The following LPP variants were observed in gnomAD, a reference collection of about 807,000 sequenced individuals.
LPP encodes the protein lipoma-preferred partner.
A neutral mutation model predicts 60.4 loss-of-function variants in LPP; 38 were observed. The ratio of observed to expected loss-of-function variants is 0.63; its 90% confidence interval spans 0.49 to 0.83. The LOEUF (loss-of-function observed/expected upper bound fraction) is 0.83. Ranked by LOEUF, LPP falls within the 40% of genes least tolerant of loss-of-function variation. The probability of loss-of-function intolerance (pLI) is 0.00; values close to 1 mark genes in which losing one functional copy is unlikely to be tolerated. For missense variants in LPP, 902 were observed against 783.6 expected, an observed-to-expected ratio of 1.15 and a Z score of -1.80; for synonymous variants, 328 against 290.8, an observed-to-expected ratio of 1.13 and a Z score of -1.30.
At position 188,599,790 on chromosome 3, in the gene LPP, G is replaced by GTGTGTGT. The variant is rs1553938528; in HGVS notation, c.430-9371_430-9370insTGTGTGT. On this transcript the variant is annotated intron_variant, in intron 6 of 11. Coordinates refer to ENST00000617246, the MANE Select transcript of LPP (RefSeq NM_001375462.1). ...TGTGTGTGTGTGTGTGTGTGTGTGT[G>GTGTGTGT]GTGTGTGCTTTATGTGTTCATTGAG... Among the ~76,000 whole-genome samples the GTGTGTGT allele has an allele frequency of 2.5e-4, 31 of 125,478 alleles. No homozygotes were observed. In the East Asian group the frequency reaches 4.7e-3, roughly 19 times the overall value. The allele number at this position is 125,478 out of a possible 152,430, so 82.3% of individuals were successfully genotyped here.
At chr3:188,239,614 C>T (rs951474810) in intron 2 of LPP, among the ~76,000 whole-genome samples, 1 of 152,106 alleles carries the variant, frequency 6.6e-6, no homozygotes, top group African/African-American at 2.4e-5. Flanking sequence ...GTGGTTTCTA[C>T]CTTTGACATT....
intron 2 of LPP, among the ~76,000 whole-genome samples, chr3:188,235,625 C>T (rs903085117): frequency 1.3e-5 from 2 of 151,998 alleles, no homozygotes; most frequent in East Asian, 1.9e-4. Context: ...GCTGACTTAC[C>T]TTGGGCAATC....
chr3:188,284,271 G>C (rs1490495241), intron 2 of LPP, among the ~76,000 whole-genome samples: 2 of 152,026 alleles, frequency 1.3e-5, no homozygotes, highest in Non-Finnish European at 1.5e-5. Flanking sequence ...TACAGAGCTG[G>C]AAGTATTTAC....
At chr3:188,391,197 A>G (rs1292935606) in intron 3 of LPP, among the ~76,000 whole-genome samples, 1 of 152,196 alleles carries the variant, frequency 6.6e-6, no homozygotes, top group Admixed American at 6.5e-5. Flanking sequence ...CTGGTGAGTG[A>G]TAGAGCTGAG....
intron 8 of LPP, among the ~76,000 whole-genome samples, chr3:188,735,982 A>G (rs150181660): frequency 2.6e-5 from 4 of 152,322 alleles, no homozygotes; most frequent in African/African-American, 7.2e-5. Context: ...ACTAGCCACA[A>G]ACTTCTCCTA....
chr3:188,616,587 G>A (rs62291688), intron 7 of LPP, among the ~76,000 whole-genome samples: 2 of 12,208 alleles, frequency 1.6e-4, no homozygotes, highest in South Asian at 0.029. Flanking sequence ...TCATTTCTAT[G>A]GGTTTTTTTT....
intron 1 of LPP, among the ~76,000 whole-genome samples, chr3:188,168,194 A>G (rs923058611): frequency 6.6e-6 from 1 of 152,256 alleles, no homozygotes; most frequent in African/African-American, 2.4e-5. Context: ...GAAAAAAATA[A>G]ATGAATGAAA....
At chr3:188,270,633 G>A (rs778644986) in intron 2 of LPP, among the ~76,000 whole-genome samples, 5 of 152,164 alleles carry the variant, frequency 3.3e-5, no homozygotes, top group Non-Finnish European at 7.4e-5. Context: ...GAGGGAGAAT[G>A]CCAGACATGC....
intron 2 of LPP, among the ~76,000 whole-genome samples, chr3:188,295,517 C>T (rs897218153): frequency 5.3e-5 from 8 of 152,166 alleles, no homozygotes; most frequent in African/African-American, 1.7e-4. Context: ...TTATTTTCCT[C>T]ATCTTCCCAT....
chr3:188,663,651 T>A (rs1426026735), intron 7 of LPP, among the ~76,000 whole-genome samples: 2 of 152,142 alleles, frequency 1.3e-5, no homozygotes, highest in African/African-American at 4.8e-5. Context: ...GCAGTAAGGA[T>A]TTTTTCAGGA....
intron 3 of LPP, among the ~76,000 whole-genome samples, chr3:188,394,576 GTGTGTGTA>G (rs1158224904): frequency 3.3e-5 from 5 of 151,700 alleles, no homozygotes; most frequent in African/African-American, 1.2e-4. Flanking sequence ...GTGTGTGTGT[GTGTGTGTA>G]TGTATTTGTG....
chr3:188,187,958 T>A (rs1727085789), intron 1 of LPP, among the ~76,000 whole-genome samples: 1 of 152,222 alleles, frequency 6.6e-6, no homozygotes, highest in Non-Finnish European at 1.5e-5. Flanking sequence ...TTTTAATTCC[T>A]ATATATTTAA....
At chr3:188,841,826 C>G (rs1394264887) in intron 9 of LPP, among the ~76,000 whole-genome samples, 1 of 152,186 alleles carries the variant, frequency 6.6e-6, no homozygotes, top group Non-Finnish European at 1.5e-5. Context: ...AGAGTTTACT[C>G]ATGACTTGGC....
intron 7 of LPP, among the ~76,000 whole-genome samples, chr3:188,645,601 C>A (rs568181040): frequency 6.6e-6 from 1 of 152,070 alleles, no homozygotes; most frequent in Non-Finnish European, 1.5e-5. Flanking sequence ...AGTGTGGGAA[C>A]GTGGATCCCT....
rs556964334 is a variant in LPP, at chr3:188,414,648, T to C, written c.193+8335T>C. On this transcript the variant is annotated intron_variant, in intron 4 of 11. Transcript: ENST00000617246. ...CTTAAAAGTTATCTAATACAACCCCTTTCTTTCCTAGATGAGAATAGTTGA... is the reference window on the plus strand; with the variant it reads ...CTTAAAAGTTATCTAATACAACCCCCTTCTTTCCTAGATGAGAATAGTTGA... Among the ~76,000 whole-genome samples, 4 of 152,294 alleles carry C rather than the reference T, an allele frequency of 2.6e-5. No homozygotes were observed. The East Asian group carries it at 7.7e-4, about 29-fold the overall frequency.
chr3:188,174,875 T>C (rs1212508191), intron 1 of LPP, among the ~76,000 whole-genome samples: 1 of 152,194 alleles, frequency 6.6e-6, no homozygotes, highest in Non-Finnish European at 1.5e-5. Flanking sequence ...TATGGTTCCA[T>C]GGCCCTTTGT....
At chr3:188,872,189 G>A (rs1056141522) in intron 10 of LPP, among the ~76,000 whole-genome samples, 62 of 152,156 alleles carry the variant, frequency 4.1e-4, no homozygotes, top group African/African-American at 7.7e-4. Context: ...CAAGAAAGAA[G>A]CTCTAAAAGG....
At chr3:188,842,011 C>G (rs1027724914) in intron 9 of LPP, among the ~76,000 whole-genome samples, 6 of 152,194 alleles carry the variant, frequency 3.9e-5, no homozygotes, top group African/African-American at 1.2e-4. Flanking sequence ...TAGACTTCCT[C>G]TCTTTCTATT....
chr3:188,586,802 A>G (rs1248816889), intron 6 of LPP, among the ~76,000 whole-genome samples: 2 of 148,662 alleles, frequency 1.3e-5, no homozygotes, highest in Non-Finnish European at 3.0e-5. Context: ...ATCTTGGCTC[A>G]CTGCAACCTC....
Sources: allele counts gnomAD v4.1 joint callset (sites outside exome capture counted in the v4.1 genomes callset), GRCh38; gene constraint gnomAD v4.1.1; transcripts MANE v1.5; gene names NCBI Gene and HGNC (gene_info 2026-07-23, HGNC 2026-07-21).